The following CMC2 variants were observed in gnomAD, a reference collection of about 807,000 sequenced individuals.
The protein encoded by CMC2 is C-X9-C motif containing 2, also known as COX assembly mitochondrial protein 2 homolog.
Under a neutral mutation model 7.5 loss-of-function variants are expected in CMC2, and 5 were observed. The ratio of observed to expected loss-of-function variants is 0.66; its 90% CI spans 0.35 to 1.40. The LOEUF (loss-of-function observed/expected upper bound fraction) is 1.40. Ranked by LOEUF, CMC2 falls within the 40% of genes most tolerant of loss-of-function variation. The probability of loss-of-function intolerance (pLI) is 0.04; values close to 1 mark genes in which losing one functional copy is unlikely to be tolerated. For synonymous variants in CMC2, 37 were observed against 31.4 expected, an observed-to-expected ratio of 1.18 and a Z score of -0.60; for missense variants, 115 against 92.3, an observed-to-expected ratio of 1.25 and a Z score of -1.01.
intron 1 of CMC2, among the ~76,000 whole-genome samples, chr16:81,003,889 C>G (rs1361725738): frequency 1.3e-5 from 2 of 152,196 alleles, no homozygotes; most frequent in African/African-American, 4.8e-5. Flanking sequence ...ATGGAATTTG[C>G]TCTTGACCTA....
At chr16:80,987,321 A>C (rs923327561) in intron 2 of CMC2, among the ~76,000 whole-genome samples, 1 of 152,194 alleles carries the variant, frequency 6.6e-6, no homozygotes, top group African/African-American at 2.4e-5. Context: ...AAAATACAAA[A>C]ATTTTTAAAT....
chr16:80,992,633 CT>C (rs899222848), intron 2 of CMC2, among the ~76,000 whole-genome samples: 12 of 139,032 alleles, frequency 8.6e-5, no homozygotes, highest in Admixed American at 2.9e-4. Flanking sequence ...GCCATCTTTT[CT>C]TTTTTTTTTA....
rs1218051777 is a variant in CMC2, at chr16:80,971,577, TATATATATGTATGAAATCATGC to T, written c.*4494_*4515del. On this transcript the variant is annotated 3_prime_UTR_variant, in exon 4 of 4. Transcript: ENST00000219400. ...CATACATACATTTTATATATATATA[TATATATATGTATGAAATCATGC>T]ATATATATATATGTATGAAATCATG... 2.8e-5 allele frequency: 4 copies of T among 140,504 alleles called. No individual in the cohort carries two copies. Among genetic ancestry groups the T allele is most frequent in the African/African-American group, 1.1e-4 (4 of 35,664 alleles). 8.7% of individuals were successfully genotyped at this position (140,504 alleles called of 1,614,324 possible).
chr16:80,971,584 A>ATATATATGTGTG lies in CMC2; in HGVS notation c.*4508_*4509insCACACATATATA, dbSNP rs778193287. 1.6e-3 allele frequency: 221 copies of ATATATATGTGTG among 139,576 alleles called. 2 individuals carry two copies. The highest frequency in any genetic ancestry group is 2.7e-3 in the Non-Finnish European group (176 of 66,272). The allele number at this position is 139,576 out of a possible 1,614,324, so 8.6% of individuals were successfully genotyped here. A position where few individuals can be genotyped will look rare whatever the true frequency, so the allele number is the denominator to read the frequency against. Reference sequence around the variant, plus strand: ...ACATTTTATATATATATATATATATATGTATGAAATCATGCATATATATAT... The same window carrying ATATATATGTGTG: ...ACATTTTATATATATATATATATATATATATATGTGTGTGTATGAAATCATGCATATATATAT... On this transcript the variant is annotated 3_prime_UTR_variant, in exon 4 of 4. Coordinates refer to ENST00000219400, the MANE Select transcript of CMC2 (RefSeq NM_020188.5).
Position 81,001,841 on chromosome 16 carries a change from A to AACAC in CMC2, c.-35-4416_-35-4413dup, listed in dbSNP as rs72159358. Among the ~76,000 whole-genome samples, 33 of 150,076 alleles carry AACAC rather than the reference A, an allele frequency of 2.2e-4. 1 individual carries two copies. The highest frequency in any genetic ancestry group is 3.2e-3 in the Middle Eastern group (1 of 310). ...TCCCTGTACTATTCAGTAACTACTAAACACACACACACACACACACACACC... is the reference window on the plus strand; with the variant it reads ...TCCCTGTACTATTCAGTAACTACTAAACACACACACACACACACACACACACACC... On this transcript the variant is annotated intron_variant, in intron 1 of 3. Transcript: ENST00000219400.
intron 2 of CMC2, among the ~76,000 whole-genome samples, chr16:80,996,086 TAAAAC>T (rs1968394504): frequency 6.6e-6 from 1 of 151,662 alleles, no homozygotes; most frequent in Non-Finnish European, 1.5e-5. Flanking sequence ...AATATAAACA[TAAAAC>T]AAAGATTACT....
chr16:80,970,274 T>C lies in CMC2; in HGVS notation c.*5819A>G, dbSNP rs1911827230. On this transcript the variant is annotated 3_prime_UTR_variant, in exon 4 of 4. Transcript: ENST00000219400. ...CCGTCTCTCTCTCAATTTAAGTCAA[T>C]TCCAAATCCAAATCTCACCGATTAA... The C allele has an allele frequency of 6.6e-6, 1 of 152,206 alleles. No individual in the cohort carries two copies. Among genetic ancestry groups the C allele is most frequent in the Non-Finnish European group, 1.5e-5 (1 of 68,046 alleles). 9.4% of individuals were successfully genotyped at this position (152,206 alleles called of 1,614,324 possible).
intron 2 of CMC2, among the ~76,000 whole-genome samples, chr16:80,996,509 C>CA (rs878980928): frequency 1.7e-4 from 26 of 152,264 alleles, no homozygotes; most frequent in Admixed American, 1.7e-3. Flanking sequence ...AAAATATTGT[C>CA]ATCAACAACA....
Position 80,967,332 on chromosome 16 carries a change from TTTTTG to T in CMC2, c.*8756_*8760del, listed in dbSNP as rs138599086. On this transcript the variant is annotated 3_prime_UTR_variant, in exon 4 of 4. Coordinates refer to ENST00000219400, the MANE Select transcript of CMC2 (RefSeq NM_020188.5). ...ATCTGCTTTGAAAAGATATCCTCGTTTTTTGTTTTGTTTTGTTTTGTTTTTTGAGA... is the reference window on the plus strand; with the variant it reads ...ATCTGCTTTGAAAAGATATCCTCGTTTTTTGTTTTGTTTTGTTTTTTGAGA... 0.013 allele frequency: 2,048 copies of T among 153,194 alleles called. 37 individuals carry two copies. Among genetic ancestry groups the T allele is most frequent in the African/African-American group, 0.045 (1,868 of 41,542 alleles). The allele number at this position is 153,194 out of a possible 1,614,324, so 9.5% of individuals were successfully genotyped here.
chr16:80,988,823 C>G (rs780245062), intron 2 of CMC2, among the ~76,000 whole-genome samples: 12 of 151,164 alleles, frequency 7.9e-5, no homozygotes, highest in Non-Finnish European at 1.5e-4. Flanking sequence ...TTTTCCAACT[C>G]TAAACAATAT....
intron 2 of CMC2, among the ~76,000 whole-genome samples, chr16:80,992,109 T>A (rs1968047179): frequency 6.6e-6 from 1 of 152,166 alleles, no homozygotes; most frequent in Non-Finnish European, 1.5e-5. Flanking sequence ...ACACTAGATG[T>A]GAGGTATATG....
intron 2 of CMC2, among the ~76,000 whole-genome samples, chr16:80,984,761 A>C (rs1303917110): frequency 6.6e-6 from 1 of 152,228 alleles, no homozygotes; most frequent in Non-Finnish European, 1.5e-5. Flanking sequence ...ATCATTCCAC[A>C]TATGTACATC....
At chr16:80,978,835 A>G (rs1250892721) in intron 3 of CMC2, among the ~76,000 whole-genome samples, 3 of 152,194 alleles carry the variant, frequency 2.0e-5, no homozygotes, top group Middle Eastern at 3.2e-3. Context: ...TAACCCCAGC[A>G]CTTTAGGAGG....
intron 2 of CMC2, among the ~76,000 whole-genome samples, chr16:80,992,165 T>C (rs2151636990): frequency 1.3e-5 from 2 of 152,310 alleles, no homozygotes; most frequent in Middle Eastern, 6.8e-3. Context: ...AATCTAAAAC[T>C]GTTCTAAAAA....
Position 80,971,542 on chromosome 16 carries a change from T to C in CMC2, c.*4551A>G, listed in dbSNP as rs1454444912. 7.8e-6 allele frequency: 1 copy of C among 128,750 alleles called. No individual in the cohort carries two copies. The allele number at this position is 128,750 out of a possible 1,614,324, so 8.0% of individuals were successfully genotyped here. ...AAACATGCAAAATAAAATATGGCTA[T>C]GGATACTGACATACATACATTTTAT... On this transcript the variant is annotated 3_prime_UTR_variant, in exon 4 of 4. Coordinates refer to ENST00000219400, the MANE Select transcript of CMC2 (RefSeq NM_020188.5).
At chr16:81,001,384 C>T (rs1968853297) in intron 1 of CMC2, 1 of 152,170 alleles carries the variant, frequency 6.6e-6, no homozygotes, top group African/African-American at 2.4e-5. Context: ...AATACTTTAA[C>T]ATTCCACTTA....
chr16:81,001,825 T>C (rs1314867063), intron 1 of CMC2, among the ~76,000 whole-genome samples: 2 of 148,966 alleles, frequency 1.3e-5, no homozygotes, highest in Non-Finnish European at 3.0e-5. Flanking sequence ...GTCCCTGTAC[T>C]ATTCAGTAAC....
intron 3 of CMC2, among the ~76,000 whole-genome samples, chr16:80,977,679 A>G (rs982037821): frequency 9.2e-5 from 14 of 152,196 alleles, no homozygotes; most frequent in African/African-American, 3.4e-4. Context: ...TGGGCTAGAT[A>G]ATCTTTAAGA....
chr16:80,977,313 T>C (rs893887187), intron 3 of CMC2, among the ~76,000 whole-genome samples: 1 of 152,206 alleles, frequency 6.6e-6, no homozygotes, highest in Non-Finnish European at 1.5e-5. Context: ...TCTTAAATAG[T>C]TAACCTACAT....
Sources: gnomAD v4.1 joint callset for allele counts (sites outside exome capture counted in the v4.1 genomes callset) on GRCh38, gnomAD v4.1.1 for gene constraint, MANE v1.5 for transcripts, NCBI Gene and HGNC (gene_info 2026-07-23, HGNC 2026-07-21) for gene names.